NEK10: variants seen among roughly 807,000 people sequenced by gnomAD.
NEK10 encodes serine/threonine-protein kinase Nek10.
A neutral mutation model predicts 159.8 loss-of-function variants in NEK10; 122 were observed. The ratio of observed to expected loss-of-function variants is 0.76; its 90% CI spans 0.66 to 0.89. The LOEUF (loss-of-function observed/expected upper bound fraction) is 0.89, where lower values mean the gene tolerates loss of function less well. NEK10 is among the 40% of genes least tolerant of loss of function. The probability of loss-of-function intolerance (pLI) is 0.00; values close to 1 mark genes in which losing one functional copy is unlikely to be tolerated. For synonymous variants in NEK10, 466 were observed against 457.1 expected (o/e 1.02, Z -0.25); for missense variants, 1,342 against 1,323.1 (o/e 1.01, Z -0.22).
chr3:27,217,969 G>A (rs1379927394), intron 23 of NEK10, among the ~76,000 whole-genome samples: 1 of 152,038 alleles, frequency 6.6e-6, no homozygotes, highest in Admixed American at 6.6e-5. Context: ...CAAAATAGAA[G>A]AATTATAACA....
intron 8 of NEK10, 79 bp downstream of exon 8, chr3:27,312,020 C>A: frequency 1.1e-6 from 1 of 890,490 alleles, no homozygotes; most frequent in East Asian, 2.6e-5. Flanking sequence ...TTAAAGTATC[C>A]TTGTTTCCTG....
intron 23 of NEK10, among the ~76,000 whole-genome samples, chr3:27,234,491 C>T (rs1479579966): frequency 6.6e-6 from 1 of 152,024 alleles, no homozygotes; most frequent in Non-Finnish European, 1.5e-5. Context: ...ATATCCAAAT[C>T]ACAAATGAAC....
chr3:27,159,060 G>A (rs1056933942), intron 30 of NEK10, among the ~76,000 whole-genome samples: 1 of 152,108 alleles, frequency 6.6e-6, no homozygotes, highest in Admixed American at 6.6e-5. Context: ...AAGAACTGGG[G>A]ACACCTACAC....
chr3:27,137,654 G>GTAAT (rs1473336775), intron 31 of NEK10, among the ~76,000 whole-genome samples: 1 of 152,122 alleles, frequency 6.6e-6, no homozygotes, highest in Non-Finnish European at 1.5e-5. Context: ...CCTCTTTTAC[G>GTAAT]TAATTAGTTA....
At chr3:27,331,215 G>T (rs2046367017) in intron 5 of NEK10, among the ~76,000 whole-genome samples, 1 of 103,914 alleles carries the variant, frequency 9.6e-6, no homozygotes, top group African/African-American at 3.8e-5. Flanking sequence ...TCCAGCCTGG[G>T]TGATAAAGTA....
chr3:27,238,750 T>TGTGTGC (rs1165901909), intron 23 of NEK10, among the ~76,000 whole-genome samples: 3 of 87,592 alleles, frequency 3.4e-5, no homozygotes, highest in Non-Finnish European at 7.5e-5. Context: ...CCCTTTCGTG[T>TGTGTGC]GTGTGTGTGT....
At chr3:27,300,723 T>G (rs1030951122) in intron 13 of NEK10, among the ~76,000 whole-genome samples, 3 of 152,102 alleles carry the variant, frequency 2.0e-5, no homozygotes, top group Non-Finnish European at 4.4e-5. Flanking sequence ...ACTCTTTGAA[T>G]GATTGCTAGA....
At chr3:27,332,306 GA>G (rs1440808065) in intron 5 of NEK10, among the ~76,000 whole-genome samples, 1 of 152,028 alleles carries the variant, frequency 6.6e-6, no homozygotes, top group Non-Finnish European at 1.5e-5. Flanking sequence ...CACTTTTTCT[GA>G]AAAAATATTC....
At chr3:27,165,091 A>C (rs915611929) in intron 29 of NEK10, among the ~76,000 whole-genome samples, 21 of 152,188 alleles carry the variant, frequency 1.4e-4, no homozygotes, top group Admixed American at 1.3e-4. Context: ...TCATTCAAGA[A>C]ATATTTATTA....
intron 6 of NEK10, among the ~76,000 whole-genome samples, chr3:27,316,811 G>GAGAC (rs911197829): frequency 6.6e-6 from 1 of 151,896 alleles, no homozygotes; most frequent in Non-Finnish European, 1.5e-5. Context: ...AAAAGAGAGA[G>GAGAC]AGACAGAGAG....
intron 23 of NEK10, among the ~76,000 whole-genome samples, chr3:27,230,943 T>C (rs567896631): frequency 2.6e-5 from 4 of 151,906 alleles, no homozygotes; most frequent in East Asian, 3.9e-4. Context: ...ATACTCCCAA[T>C]AGACAGATCA....
intron 11 of NEK10, among the ~76,000 whole-genome samples, chr3:27,305,739 C>A (rs943230171): frequency 6.6e-6 from 1 of 151,936 alleles, no homozygotes; most frequent in African/African-American, 2.4e-5. Context: ...AAGTTAAGGG[C>A]AAAGCACTCA....
chr3:27,283,394 C>A (rs2042344454), intron 22 of NEK10, among the ~76,000 whole-genome samples: 1 of 152,032 alleles, frequency 6.6e-6, no homozygotes, highest in Non-Finnish European at 1.5e-5. Context: ...TGTTTTATTT[C>A]TGTAGATTTT....
chr3:27,309,847 T>C (rs1037155676), intron 9 of NEK10: 1 of 152,336 alleles, frequency 6.6e-6, no homozygotes, highest in African/African-American at 2.4e-5. Context: ...GATTTCTAAT[T>C]GATGTTGAAA....
At chr3:27,204,276 T>C (rs1258884778) in intron 23 of NEK10, among the ~76,000 whole-genome samples, 24 of 77,662 alleles carry the variant, frequency 3.1e-4, no homozygotes, top group Non-Finnish European at 4.8e-4. Context: ...ATAAATTTTC[T>C]TTTTTTTTTT....
chr3:27,182,655 T>C (rs1948238214), intron 26 of NEK10, among the ~76,000 whole-genome samples: 1 of 152,156 alleles, frequency 6.6e-6, no homozygotes, highest in Non-Finnish European at 1.5e-5. Context: ...TCATTTTTAT[T>C]ATAGCACTAT....
chr3:27,134,438 G>C (rs1454282784), intron 31 of NEK10, among the ~76,000 whole-genome samples: 1 of 152,194 alleles, frequency 6.6e-6, no homozygotes, highest in Non-Finnish European at 1.5e-5. Flanking sequence ...CAAACAGAAA[G>C]GCAGCGAGCC....
chr3:27,262,700 TCTCTGC>T (rs2040524390), intron 22 of NEK10, among the ~76,000 whole-genome samples: 2 of 152,240 alleles, frequency 1.3e-5, no homozygotes, highest in African/African-American at 4.8e-5. Context: ...TTTAAGGACT[TCTCTGC>T]ATTGATTATT....
intron 23 of NEK10, among the ~76,000 whole-genome samples, chr3:27,234,807 G>T (rs569785610): frequency 1.3e-5 from 2 of 152,120 alleles, no homozygotes; most frequent in Non-Finnish European, 2.9e-5. Flanking sequence ...AACTAGCCAA[G>T]GAGATCCTAA....
Sources: gnomAD v4.1 joint callset for allele counts (sites outside exome capture counted in the v4.1 genomes callset) on GRCh38, gnomAD v4.1.1 for gene constraint, MANE v1.5 for transcripts, NCBI Gene and HGNC (gene_info 2026-07-23, HGNC 2026-07-21) for gene names.